Variants in PKHD1 observed in about 807,000 individuals in gnomAD.
PKHD1 encodes the protein fibrocystin.
A neutral mutation model predicts 412.0 loss-of-function variants in PKHD1; 291 were observed. That is an observed-to-expected ratio of 0.71 (90% CI 0.64 to 0.78). The LOEUF (loss-of-function observed/expected upper bound fraction) is 0.78. PKHD1 is among the 30% of genes least tolerant of loss of function. The pLI is 0.00. For missense variants in PKHD1, 4,825 were observed against 4,950.7 expected (o/e 0.97, Z 0.76); for synonymous variants, 1,777 against 1,821.5 (o/e 0.98, Z 0.62).
intron 55 of PKHD1, among the ~76,000 whole-genome samples, chr6:51,763,330 G>A (rs1325680403): frequency 6.6e-6 from 1 of 152,024 alleles, no homozygotes; most frequent in Non-Finnish European, 1.5e-5. Flanking sequence ...TACATGATAA[G>A]AACCAAATAA....
At chr6:52,004,879 A>G (rs1487355913) in intron 35 of PKHD1, among the ~76,000 whole-genome samples, 2 of 152,170 alleles carry the variant, frequency 1.3e-5, no homozygotes, top group African/African-American at 4.8e-5. Flanking sequence ...CAAGCCTCCC[A>G]GTAGCTATAG....
At chr6:51,693,624 C>A (rs72899359) in intron 60 of PKHD1, among the ~76,000 whole-genome samples, 1 of 152,144 alleles carries the variant, frequency 6.6e-6, no homozygotes, top group East Asian at 1.9e-4. Context: ...CCCATCCAGC[C>A]CAGCTGGTTC....
At chr6:51,815,355 G>A (rs1376041696) in intron 52 of PKHD1, among the ~76,000 whole-genome samples, 3 of 152,150 alleles carry the variant, frequency 2.0e-5, no homozygotes, top group East Asian at 3.8e-4. Context: ...TAGGAACCCA[G>A]CGGAAGGAGA....
In PKHD1 at chr6:52,026,042, C is replaced by G. The variant is rs750367832; in HGVS notation, c.3768G>C (p.Gln1256His). 1 of 1,614,020 alleles carries G rather than the reference C, an allele frequency of 6.2e-7. No homozygotes were observed. Among genetic ancestry groups the G allele is most frequent in the East Asian group, 2.2e-5 (1 of 44,888 alleles). Reference protein sequence around the residue: ...SIWCETLPAPQIPDAGAPTVP... With the variant: ...SIWCETLPAPHIPDAGAPTVP... ...CAGTGGGAGCGCCCGCATCGGGTAT[C>G]TGGGGGGCTGGCAGGGTTTCACACC... The change falls in exon 32 of 67, where the codon CAG (glutamine) becomes CAC (histidine). Residue 1256 changes from glutamine to histidine, a missense_variant. Gln to His is a conservative substitution (Grantham distance 24). Transcript: ENST00000371117.
chr6:51,648,944 A>T, intron 62 of PKHD1, 141 bp downstream of exon 62: 1 of 779,092 alleles, frequency 1.3e-6, no homozygotes. Flanking sequence ...ATGTGAAAGT[A>T]GTGAGAAGCT....
At position 51,735,062 on chromosome 6, in the gene PKHD1, T is replaced by C. The variant is rs150942664; in HGVS notation, c.10156+9323A>G. ...TTGTTATAGCATCGCCCTTCAAAAATGTTAAAGTAGTCGACAGTTACTTGT... is the reference window on the plus strand; with the variant it reads ...TTGTTATAGCATCGCCCTTCAAAAACGTTAAAGTAGTCGACAGTTACTTGT... On this transcript the variant is annotated intron_variant, in intron 60 of 66. Transcript: ENST00000371117. 3.6e-3 allele frequency among the ~76,000 whole-genome samples: 550 copies of C among 152,284 alleles called. 1 individual carries two copies. Among genetic ancestry groups the C allele is most frequent in the South Asian group, 0.011 (53 of 4,830 alleles).
chr6:51,975,316 T>A (rs548945509), intron 35 of PKHD1, among the ~76,000 whole-genome samples: 1 of 152,192 alleles, frequency 6.6e-6, no homozygotes, highest in East Asian at 1.9e-4. Context: ...ATTAAACTCT[T>A]TTGTGTATCA....
intron 60 of PKHD1, among the ~76,000 whole-genome samples, chr6:51,696,441 T>C (rs550678569): frequency 1.3e-5 from 2 of 152,178 alleles, no homozygotes; most frequent in South Asian, 4.2e-4. Flanking sequence ...CAAAAATCTG[T>C]CCAAATGTCT....
chr6:51,681,280 T>C (rs1475252833), intron 60 of PKHD1, among the ~76,000 whole-genome samples: 2 of 152,068 alleles, frequency 1.3e-5, no homozygotes, highest in Non-Finnish European at 2.9e-5. Flanking sequence ...ACCTTAGGAT[T>C]TCCAAAGGTG....
intron 53 of PKHD1, among the ~76,000 whole-genome samples, chr6:51,784,220 G>A (rs1171491929): frequency 6.6e-6 from 1 of 152,174 alleles, no homozygotes; most frequent in Non-Finnish European, 1.5e-5. Context: ...CTACTGCATG[G>A]AGACAGGAGA....
intron 39 of PKHD1, 52 bp downstream of exon 39, chr6:51,911,747 G>A: frequency 6.8e-7 from 1 of 1,479,386 alleles, no homozygotes; most frequent in African/African-American, 1.4e-5. Context: ...TCATCAGACA[G>A]TAAGAATATT....
chr6:51,695,778 T>C (rs1185839910), intron 60 of PKHD1, among the ~76,000 whole-genome samples: 1 of 152,238 alleles, frequency 6.6e-6, no homozygotes, highest in Non-Finnish European at 1.5e-5. Context: ...TTCTACGTTT[T>C]GTAGAGGCTA....
intron 15 of PKHD1, 92 bp from the exon 16 acceptor site, chr6:52,058,693 A>G (rs935537582): frequency 3.8e-6 from 5 of 1,332,816 alleles, no homozygotes; most frequent in Non-Finnish European, 5.3e-6. Flanking sequence ...TACTATCAAG[A>G]GAGTTTTGAA....
chr6:52,005,660 A>G (rs566293464), intron 35 of PKHD1, among the ~76,000 whole-genome samples: 109 of 152,162 alleles, frequency 7.2e-4, no homozygotes, highest in African/African-American at 1.7e-3. Flanking sequence ...GGCATACACA[A>G]CACTTCCCAG....
intron 53 of PKHD1, 62 bp downstream of exon 53, chr6:51,791,174 C>A: frequency 6.5e-7 from 1 of 1,537,262 alleles, no homozygotes; most frequent in South Asian, 1.1e-5. Flanking sequence ...ATCTGTTTCC[C>A]AGAGCCCCTT....
intron 32 of PKHD1, 30 bp from the exon 33 acceptor site, chr6:52,022,974 C>A (rs1349012689): frequency 5.0e-6 from 8 of 1,613,390 alleles, no homozygotes; most frequent in Non-Finnish European, 5.9e-6. Flanking sequence ...AGTTCTTGAT[C>A]ATACAGGCAA....
At chr6:51,911,151 C>A (rs963299895) in intron 39 of PKHD1, among the ~76,000 whole-genome samples, 1 of 152,148 alleles carries the variant, frequency 6.6e-6, no homozygotes, top group Admixed American at 6.5e-5. Flanking sequence ...TTGACACCCA[C>A]GCCATCCTGG....
intron 66 of PKHD1, among the ~76,000 whole-genome samples, chr6:51,624,352 T>C (rs996999814): frequency 1.5e-4 from 23 of 152,240 alleles, no homozygotes; most frequent in African/African-American, 5.3e-4. Context: ...ATGGACACAT[T>C]ATTTATCAAT....
At position 51,746,997 on chromosome 6, in the gene PKHD1, T is replaced by C. The variant is rs1183501800; in HGVS notation, c.9830-108A>G. The C allele has an allele frequency of 4.2e-6, 3 of 709,850 alleles. No homozygotes were observed. The African/African-American group carries it at 5.4e-5, about 13-fold the overall frequency. 44.0% of individuals were successfully genotyped at this position (709,850 alleles called of 1,614,324 possible). A position where few individuals can be genotyped will look rare whatever the true frequency, so the allele number is the denominator to read the frequency against. ...TATAATAATGTATACCCTAAGTTAG[T>C]TAAAGCTATCCAGGATAGCCTTAGG... is the stretch of plus-strand genomic sequence containing the variant. On this transcript the variant is annotated intron_variant, in intron 58 of 66. Transcript: ENST00000371117.
Sources: allele counts gnomAD v4.1 joint callset (sites outside exome capture counted in the v4.1 genomes callset), GRCh38; gene constraint gnomAD v4.1.1; transcripts MANE v1.5; gene names NCBI Gene and HGNC (gene_info 2026-07-23, HGNC 2026-07-21).